The following AEBP1 variants were observed in gnomAD, a reference collection of about 807,000 sequenced individuals.
The protein encoded by AEBP1 is adipocyte enhancer-binding protein 1.
A neutral mutation model predicts 116.5 loss-of-function variants in AEBP1; 69 were observed. The observed-to-expected ratio is 0.59, with a 90% CI of 0.49 to 0.72. The LOEUF is 0.72. AEBP1 is among the 30% of genes least tolerant of loss of function. The pLI, the probability that AEBP1 is intolerant of heterozygous loss-of-function variation, is 0.00. For synonymous variants in AEBP1, 627 were observed against 627.3 expected, an observed-to-expected ratio of 1.00 and a Z score of 0.01; for missense variants, 1,444 against 1,557.5, an observed-to-expected ratio of 0.93 and a Z score of 1.23.
At chr7:44,109,418 A>G in intron 9 of AEBP1, 77 bp downstream of exon 9, 1 of 1,412,716 alleles carries the variant, frequency 7.1e-7, no homozygotes, top group African/African-American at 1.4e-5. Flanking sequence ...GCCCAATGTC[A>G]CAAACAGGAC....
chr7:44,114,128 C>G lies in AEBP1; in HGVS notation c.3344C>G (p.Pro1115Arg), dbSNP rs775034917. ...CCCGAGTTTGAGACCCAGTTGGAGC[C>G]TGAGTTTGAGACCCAGCTGGAACCC... Reference protein sequence around the residue: ...VEPEFETQLEPEFETQLEPEF... With the variant: ...VEPEFETQLEREFETQLEPEF... Residue 1115 changes from proline to arginine, a missense_variant, in exon 21 of 21, where the codon CCT becomes CGT. By Grantham distance (103) the Pro-to-Arg change is moderately radical. Transcript: ENST00000223357. The G allele has an allele frequency of 1.2e-6, 2 of 1,614,032 alleles. No individual in the cohort carries two copies. Among genetic ancestry groups the G allele is most frequent in the South Asian group, 2.2e-5 (2 of 91,084 alleles).
In AEBP1 at chr7:44,111,041, G is replaced by A; in HGVS notation, c.1614G>A (p.Leu538=). 1 of 1,611,530 alleles carries A rather than the reference G, an allele frequency of 6.2e-7. No homozygotes were observed. The highest frequency in any genetic ancestry group is 8.5e-7 in the Non-Finnish European group (1 of 1,178,350). ...NGSLCMRLEV[L]GCSVAPVYSY... is the part of the protein sequence containing the mutation. ...GCCTGTGCATGCGCCTGGAGGTGCT[G>A]GGGTGCTCTGTGGCCCGTGAGTGTG... Residue 538 remains leucine (L), a synonymous_variant, in exon 13 of 21, where the codon CTG becomes CTA. Transcript: ENST00000223357. This position sits in a 1 kb window ranked among gnomAD's most constrained non-coding sequence, Gnocchi z 4.7.
chr7:44,112,900 C>A lies in AEBP1; in HGVS notation c.2560C>A (p.Arg854=). The change falls in exon 18 of 21, where the codon CGG becomes AGG. Residue 854 remains arginine, a synonymous_variant. Transcript: ENST00000223357. This position sits in a 1 kb window ranked among gnomAD's most constrained non-coding sequence, Gnocchi z 6.6. The stretch of plus-strand genomic sequence containing the variant: ...CGTCAACGGGGCCAAGTGGAACCCC[C>A]GGACCGGGAGTGAGTCAGCCTGGGA... ...GIVNGAKWNP[R]TGTINDFSYL... The A allele has an allele frequency of 6.2e-7, 1 of 1,611,086 alleles. No homozygotes were observed. Among genetic ancestry groups the A allele is most frequent in the Non-Finnish European group, 8.5e-7 (1 of 1,178,386 alleles).
At chr7:44,106,315 C>T (rs1387894237) in intron 1 of AEBP1, 18 of 690,374 alleles carry the variant, frequency 2.6e-5, no homozygotes, top group Non-Finnish European at 4.2e-5. Context: ...ACCCTACGCT[C>T]AGTCTTTAGA....
At chr7:44,105,828 C>A (rs1586044497) in intron 1 of AEBP1, among the ~76,000 whole-genome samples, 1 of 152,256 alleles carries the variant, frequency 6.6e-6, no homozygotes, top group East Asian at 1.9e-4. Context: ...ACAGCACTTG[C>A]AGCTCCTGCT....
intron 1 of AEBP1, among the ~76,000 whole-genome samples, chr7:44,105,512 G>C (rs1006341487): frequency 6.6e-6 from 1 of 152,106 alleles, no homozygotes; most frequent in Admixed American, 6.5e-5. Flanking sequence ...TGTTTTCATC[G>C]TGGCCCTCTG....
intron 1 of AEBP1, among the ~76,000 whole-genome samples, chr7:44,105,454 C>T (rs1352313493): frequency 2.0e-5 from 3 of 152,184 alleles, no homozygotes; most frequent in African/African-American, 7.2e-5. Flanking sequence ...ATCACTGAAG[C>T]ATTTAACCCA....
Position 44,107,698 on chromosome 7 carries a change from A to C in AEBP1, c.737A>C (p.Asp246Ala), listed in dbSNP as rs1276889326. The C allele has an allele frequency of 6.2e-7, 1 of 1,613,242 alleles. No homozygotes were observed. Among genetic ancestry groups the C allele is most frequent in the African/African-American group, 1.3e-5 (1 of 74,806 alleles). ...CAGATCGAGAGGGAGGACTATGAGGACTGTGAGTAGGGTCCTGCCAGCCCC... is the reference window on the plus strand; with the variant it reads ...CAGATCGAGAGGGAGGACTATGAGGCCTGTGAGTAGGGTCCTGCCAGCCCC... ...NDQIEREDYE[D>A]FEYIRRQKQP... Residue 246 changes from aspartate to alanine, a missense_variant and splice_region_variant, in exon 4 of 21, where the codon GAC becomes GCC. Physicochemically the swap from Asp to Ala is moderately radical, Grantham distance 126 (BLOSUM62 -2). Coordinates refer to ENST00000223357, the MANE Select transcript of AEBP1 (RefSeq NM_001129.5). The surrounding 1 kb of genome is among the most constrained non-coding windows in gnomAD (Gnocchi z 4.3).
rs765827519 is a variant in AEBP1, at chr7:44,111,816, G to C, written c.1841-38G>C. ...TCCTTCCTCAGCTGCCCTGGGCCTC[G>C]GGAGACTGAGTGCTCACTGAGGCTC... is the stretch of plus-strand genomic sequence containing the variant. On this transcript the variant is annotated intron_variant, in intron 15 of 20. Transcript: ENST00000223357. The surrounding 1 kb of genome is among the most constrained non-coding windows in gnomAD (Gnocchi z 4.7). The C allele has an allele frequency of 1.3e-6, 2 of 1,593,476 alleles. No individual in the cohort carries two copies. The highest frequency in any genetic ancestry group is 1.7e-6 in the Non-Finnish European group (2 of 1,169,398).
rs1043465087 is a variant in AEBP1, at chr7:44,107,750, G to A, written c.739+50G>A. The A allele has an allele frequency of 1.3e-5, 21 of 1,612,962 alleles. No homozygotes were observed. The highest frequency in any genetic ancestry group is 4.0e-5 in the African/African-American group (3 of 74,822). On this transcript the variant is annotated intron_variant, in intron 4 of 20. Transcript: ENST00000223357. The surrounding 1 kb of genome is among the most constrained non-coding windows in gnomAD (Gnocchi z 4.3). ...CCTGGGTCGGACCCCTGGCCTGGGGGATGTGCCAATGGGCCCATCCCAGCC... is the reference window on the plus strand; with the variant it reads ...CCTGGGTCGGACCCCTGGCCTGGGGAATGTGCCAATGGGCCCATCCCAGCC...
rs2096221191 is a variant in AEBP1 at position 44,104,767 on chromosome 7, CGAG to C, written c.106_108del (p.Glu36del). On this transcript the variant is annotated inframe_deletion, in exon 1 of 21. Coordinates refer to ENST00000223357, the MANE Select transcript of AEBP1 (RefSeq NM_001129.5). ...AGACGGTGCTGACCGACGACGAGATCGAGGAGTTCCTCGAGGGCTTCCTGTCAG... is the reference window on the plus strand; with the variant it reads ...AGACGGTGCTGACCGACGACGAGATCGAGTTCCTCGAGGGCTTCCTGTCAG... 1 of 1,611,502 alleles carries C rather than the reference CGAG, an allele frequency of 6.2e-7. No individual in the cohort carries two copies. The highest frequency in any genetic ancestry group is 8.5e-7 in the Non-Finnish European group (1 of 1,179,552).
At position 44,108,064 on chromosome 7, in the gene AEBP1, T is replaced by G. The variant is rs369540170; in HGVS notation, c.920T>G (p.Val307Gly). The part of the protein sequence containing the change: ...PLPPDYGDGY[V>G]IPNYDDMDYY... ...CCCCCTGACTATGGTGATGGTTACG[T>G]GATCCCCAACTACGATGACAGTGAG... Residue 307 changes from valine (V) to glycine (G), a missense_variant, in exon 6 of 21, where the codon GTG (valine) becomes GGG (glycine). Transcript: ENST00000223357. The surrounding 1 kb of genome is among the most constrained non-coding windows in gnomAD (Gnocchi z 5.0). The G allele has an allele frequency of 2.1e-5, 33 of 1,602,748 alleles. No homozygotes were observed. The highest frequency in any genetic ancestry group is 2.8e-5 in the Non-Finnish European group (33 of 1,175,904).
chr7:44,107,292 G>T lies in AEBP1; in HGVS notation c.596-147G>T. The T allele has an allele frequency of 1.4e-6, 1 of 740,168 alleles. No individual in the cohort carries two copies. The highest frequency in any genetic ancestry group is 2.3e-6 in the Non-Finnish European group (1 of 443,636). 45.9% of individuals were successfully genotyped at this position (740,168 alleles called of 1,614,324 possible). A position where few individuals can be genotyped will look rare whatever the true frequency, so the allele number is the denominator to read the frequency against. ...GCCAGCAGGATGCTGAAGGCCAGAG[G>T]AGCTCAGGCCTCCTTGGAGTGAGCT... On this transcript the variant is annotated intron_variant, in intron 2 of 20. Coordinates refer to ENST00000223357, the MANE Select transcript of AEBP1 (RefSeq NM_001129.5). This position sits in a 1 kb window ranked among gnomAD's most constrained non-coding sequence, Gnocchi z 4.3.
rs780700423 is a variant in AEBP1 at position 44,112,594 on chromosome 7, GAGA to G, written c.2259_2261del (p.Lys753del). Reference sequence around the variant, plus strand: ...GGTCCGGGCCATCATTGCCTGGATGGAGAAGAACCCCTTCGTGCTGGGAGCAAA... The same window carrying G: ...GGTCCGGGCCATCATTGCCTGGATGGAGAACCCCTTCGTGCTGGGAGCAAA... On this transcript the variant is annotated inframe_deletion, in exon 18 of 21. Transcript: ENST00000223357. The surrounding 1 kb of genome is among the most constrained non-coding windows in gnomAD (Gnocchi z 6.6). The G allele has an allele frequency of 5.6e-6, 9 of 1,604,276 alleles. No individual in the cohort carries two copies. Among genetic ancestry groups the G allele is most frequent in the Non-Finnish European group, 7.7e-6 (9 of 1,173,212 alleles).
Position 44,111,196 on chromosome 7 carries a change from A to G in AEBP1, c.1673A>G (p.Asp558Gly). 1 of 1,515,448 alleles carries G rather than the reference A, an allele frequency of 6.6e-7. No individual in the cohort carries two copies. Among genetic ancestry groups the G allele is most frequent in the Non-Finnish European group, 8.8e-7 (1 of 1,130,976 alleles). 93.9% of individuals were successfully genotyped at this position (1,515,448 alleles called of 1,614,324 possible). ...GCACAGAATGAGGTGGTGGCCACCG[A>G]TGACCTGGATTTCCGGCACCACAGC... is the stretch of plus-strand genomic sequence containing the variant. ...YYAQNEVVAT[D>G]DLDFRHHSYK... Residue 558 changes from aspartate (D) to glycine (G), a missense_variant, in exon 14 of 21, where the codon GAT (aspartate) becomes GGT (glycine). Physicochemically the swap from Asp to Gly is moderately conservative, Grantham distance 94 (BLOSUM62 -1). Coordinates refer to ENST00000223357, the MANE Select transcript of AEBP1 (RefSeq NM_001129.5). This position sits in a 1 kb window ranked among gnomAD's most constrained non-coding sequence, Gnocchi z 4.7.
intron 8 of AEBP1, 46 bp downstream of exon 8, chr7:44,109,230 T>G: frequency 6.2e-7 from 1 of 1,612,472 alleles, no homozygotes; most frequent in Non-Finnish European, 8.5e-7. Context: ...GGGCAGCATC[T>G]GGACTCCTGA....
At position 44,111,998 on chromosome 7, in the gene AEBP1, T is replaced by C. The variant is rs760144578; in HGVS notation, c.1985T>C (p.Ile662Thr). Residue 662 changes from isoleucine (I) to threonine (T), a missense_variant, in exon 16 of 21, where the codon ATC (isoleucine) becomes ACC (threonine). Physicochemically the swap from Ile to Thr is moderately conservative, Grantham distance 89. Transcript: ENST00000223357. This position sits in a 1 kb window ranked among gnomAD's most constrained non-coding sequence, Gnocchi z 4.7. ...CGCAGCCTGGTGCAGGACACACGCATCCACCTGGTGCCCTCACTGAACCCT... is the reference window on the plus strand; with the variant it reads ...CGCAGCCTGGTGCAGGACACACGCACCCACCTGGTGCCCTCACTGAACCCT... ...RVRSLVQDTR[I>T]HLVPSLNPDG... 6.2e-7 allele frequency: 1 copy of C among 1,613,650 alleles called. No homozygotes were observed.
At position 44,113,486 on chromosome 7, in the gene AEBP1, G is replaced by A; in HGVS notation, c.2810-108G>A. On this transcript the variant is annotated intron_variant, in intron 20 of 20. Transcript: ENST00000223357. This position sits in a 1 kb window ranked among gnomAD's most constrained non-coding sequence, Gnocchi z 5.3. ...AAATTCAGAGAGGGAGGGCGGTGCT[G>A]GGGGCGGGAACTCAGAGGGGGAGGG... is the stretch of plus-strand genomic sequence containing the variant. The A allele has an allele frequency of 7.4e-7, 1 of 1,351,640 alleles. No individual in the cohort carries two copies. The highest frequency in any genetic ancestry group is 9.8e-7 in the Non-Finnish European group (1 of 1,021,196). The allele number at this position is 1,351,640 out of a possible 1,614,324, so 83.7% of individuals were successfully genotyped here.
Position 44,113,789 on chromosome 7 carries a change from T to TC in AEBP1, c.3008dup (p.His1004ThrfsTer81). ...ATGGCCATGAACGGGAACCGGCCTA[T>TC]CCCACACATAGACCCATCGCGCCCT... On this transcript the variant is annotated frameshift_variant, in exon 21 of 21. Transcript: ENST00000223357. LOFTEE classifies it low-confidence loss of function (END_TRUNC). The surrounding 1 kb of genome is among the most constrained non-coding windows in gnomAD (Gnocchi z 5.3). The TC allele has an allele frequency of 6.2e-7, 1 of 1,613,992 alleles. No homozygotes were observed. Among genetic ancestry groups the TC allele is most frequent in the Middle Eastern group, 1.7e-4 (1 of 6,060 alleles).
Sources: gnomAD v4.1 joint callset for allele counts (sites outside exome capture counted in the v4.1 genomes callset) on GRCh38, gnomAD v4.1.1 for gene constraint, Gnocchi (gnomAD v3.1) non-coding constraint, MANE v1.5 for transcripts, NCBI Gene and HGNC (gene_info 2026-07-23, HGNC 2026-07-21) for gene names.